The following DSC2 variants were observed in gnomAD, a reference collection of about 807,000 sequenced individuals.
DSC2 encodes the protein desmocollin 2, also known as desmocollin-2.
Under a neutral mutation model 87.6 loss-of-function variants are expected in DSC2, and 51 were observed. The observed-to-expected ratio is 0.58, with a 90% CI of 0.46 to 0.74. The LOEUF (loss-of-function observed/expected upper bound fraction) is 0.74. Ranked by LOEUF, DSC2 falls within the 30% of genes least tolerant of loss-of-function variation. The pLI is 0.00. For synonymous variants in DSC2, 383 were observed against 393.2 expected (o/e 0.97, Z 0.31); for missense variants, 1,066 against 1,089.5 (o/e 0.98, Z 0.30).
At chr18:31,092,016 C>A in intron 3 of DSC2, 85 bp downstream of exon 3, 1 of 1,415,400 alleles carries the variant, frequency 7.1e-7, no homozygotes, top group South Asian at 1.3e-5. Context: ...TATACCATAT[C>A]CTTTCTGATT....
At position 31,060,046 on chromosome 18, in the gene DSC2, A is replaced by C. The variant is rs1328702895; in HGVS notation, c.*7969T>G. ...TGAGATTTGGATCCACGTCTTTCTG[A>C]CTGCGAAGTCTGTGTGTGATCATTG... is the stretch of plus-strand genomic sequence containing the variant. On this transcript the variant is annotated 3_prime_UTR_variant, in exon 16 of 16. Transcript: ENST00000280904. 3 of 152,160 alleles carry C rather than the reference A, an allele frequency of 2.0e-5. No individual in the cohort carries two copies. The highest frequency in any genetic ancestry group is 4.4e-5 in the Non-Finnish European group (3 of 68,026). The allele number at this position is 152,160 out of a possible 1,614,324, so 9.4% of individuals were successfully genotyped here. A position where few individuals can be genotyped will look rare whatever the true frequency, so the allele number is the denominator to read the frequency against.
intron 8 of DSC2, 33 bp from the exon 9 acceptor site, chr18:31,082,456 T>G: frequency 6.3e-7 from 1 of 1,595,174 alleles, no homozygotes; most frequent in Non-Finnish European, 8.6e-7. Context: ...AAAATTTCGT[T>G]AGTAACTCTC....
At position 31,059,005 on chromosome 18, in the gene DSC2, G is replaced by C. The variant is rs1256673077; in HGVS notation, c.*9010C>G. The stretch of plus-strand genomic sequence containing the variant: ...TATGTTCTAGCAATTTTTTAAAGCA[G>C]ATGAGGAAACTGAAGACTAGGGAGG... On this transcript the variant is annotated 3_prime_UTR_variant, in exon 16 of 16. Coordinates refer to ENST00000280904, the MANE Select transcript of DSC2 (RefSeq NM_024422.6). 6.6e-6 allele frequency: 1 copy of C among 152,140 alleles called. No homozygotes were observed. The highest frequency in any genetic ancestry group is 1.5e-5 in the Non-Finnish European group (1 of 68,024). 9.4% of individuals were successfully genotyped at this position (152,140 alleles called of 1,614,324 possible).
At chr18:31,089,164 C>CAAAAAA (rs768405529) in intron 5 of DSC2, among the ~76,000 whole-genome samples, 1 of 102,868 alleles carries the variant, frequency 9.7e-6, no homozygotes, top group Non-Finnish European at 1.9e-5. Context: ...GATGCTGTCT[C>CAAAAAA]AAAAAAAAAA....
chr18:31,092,317 C>A lies in DSC2; in HGVS notation c.155-17G>T, dbSNP rs1223009380. On this transcript the variant is annotated splice_polypyrimidine_tract_variant and intron_variant, in intron 2 of 15. Coordinates refer to ENST00000280904, the MANE Select transcript of DSC2 (RefSeq NM_024422.6). ...TCAGGTTAACTGTAGAAAATATGCA[C>A]AGCAATCATTTTTAAAGTAAAACAT... is the stretch of plus-strand genomic sequence containing the variant. 4 of 1,604,022 alleles carry A rather than the reference C, an allele frequency of 2.5e-6. No individual in the cohort carries two copies. Among genetic ancestry groups the A allele is most frequent in the Middle Eastern group, 1.7e-4 (1 of 6,014 alleles).
intron 1 of DSC2, among the ~76,000 whole-genome samples, chr18:31,099,451 A>G (rs1987864088): frequency 6.6e-6 from 1 of 152,196 alleles, no homozygotes; most frequent in African/African-American, 2.4e-5. Context: ...CTTATAATTA[A>G]CAATACGATA....
chr18:31,101,826 T>A, intron 1 of DSC2, 77 bp downstream of exon 1: 56 of 941,404 alleles, frequency 5.9e-5, no homozygotes, highest in Non-Finnish European at 7.6e-5. Flanking sequence ...CCCCCACCTA[T>A]CCCCGTTCCC....
intron 13 of DSC2, among the ~76,000 whole-genome samples, chr18:31,071,284 C>T (rs1986818769): frequency 3.3e-5 from 5 of 152,048 alleles, no homozygotes; most frequent in Admixed American, 1.3e-4. Context: ...TGTTGACTCA[C>T]GCCTGTAATC....
chr18:31,089,669 T>G (rs1223425610), intron 4 of DSC2, 75 bp from the exon 5 acceptor site: 1 of 1,410,926 alleles, frequency 7.1e-7, no homozygotes, highest in African/African-American at 1.4e-5. Context: ...TTATGAAATC[T>G]CATTGCCATT....
At chr18:31,096,402 GAGA>G (rs1240244607) in intron 1 of DSC2, among the ~76,000 whole-genome samples, 1 of 152,148 alleles carries the variant, frequency 6.6e-6, no homozygotes, top group Non-Finnish European at 1.5e-5. Context: ...GGCCTCTGGA[GAGA>G]AGGAGAATGA....
rs1987524919 is a variant in DSC2, at chr18:31,089,597, A to G, written c.475-3T>C. The G allele has an allele frequency of 6.2e-7, 1 of 1,613,138 alleles. No homozygotes were observed. Among genetic ancestry groups the G allele is most frequent in the Non-Finnish European group, 8.5e-7 (1 of 1,179,344 alleles). The stretch of plus-strand genomic sequence containing the variant: ...TTTTGGGCCGTGTCAGATTGAACCT[A>G]GAAAGTAGATATTATATACATGAGA... On this transcript the variant is annotated splice_region_variant and splice_polypyrimidine_tract_variant and intron_variant, in intron 4 of 15. Transcript: ENST00000280904.
In DSC2 at chr18:31,089,461, C is replaced by T. The variant is rs758527425; in HGVS notation, c.608G>A (p.Arg203His). The T allele has an allele frequency of 2.0e-5, 32 of 1,613,654 alleles. No individual in the cohort carries two copies. The highest frequency in any genetic ancestry group is 2.7e-5 in the Non-Finnish European group (32 of 1,179,830). The change falls in exon 5 of 16, where the codon CGT (arginine) becomes CAT (histidine). Residue 203 changes from arginine to histidine, a missense_variant. Coordinates refer to ENST00000280904, the MANE Select transcript of DSC2 (RefSeq NM_024422.6). ...GNLYCTRPVD[R>H]EQYESFEIIA... The stretch of plus-strand genomic sequence containing the variant: ...TACCTCAAAAGATTCATACTGCTCA[C>T]GATCTACAGGACGAGTACAATACAA...
In DSC2 at chr18:31,079,958, C is replaced by T. The variant is rs397517394; in HGVS notation, c.1552G>A (p.Val518Ile). The change falls in exon 11 of 16, where the codon GTC becomes ATC. Residue 518 changes from valine to isoleucine, a missense_variant. Transcript: ENST00000280904. ...GATCCTGTATTTTCATCAATGGTGA[C>T]CCACCCTGTTGGATCAGTTAATTTC... is the stretch of plus-strand genomic sequence containing the variant. ...YKKLTDPTGW[V>I]TIDENTGSIK... The T allele has an allele frequency of 6.2e-7, 1 of 1,613,854 alleles. No homozygotes were observed. The highest frequency in any genetic ancestry group is 1.1e-5 in the South Asian group (1 of 91,066).
intron 4 of DSC2, among the ~76,000 whole-genome samples, chr18:31,090,688 G>A (rs1477367685): frequency 4.6e-5 from 7 of 152,132 alleles, no homozygotes; most frequent in Non-Finnish European, 1.0e-4. Context: ...TTCCTCCTTC[G>A]TGGCATTTGG....
chr18:31,087,670 C>T lies in DSC2; in HGVS notation c.774G>A (p.Val258=). The T allele has an allele frequency of 6.2e-7, 1 of 1,611,470 alleles. No homozygotes were observed. Among genetic ancestry groups the T allele is most frequent in the Non-Finnish European group, 8.5e-7 (1 of 1,179,522 alleles). ...TATATTGTTTAAGGAGGTACTCACC[C>T]ACTCTGCAATTTTCAAAAATTGTAA... ...YTFTIFENCR[V]GTTVGQVCAT... is the part of the protein sequence containing the mutation. Residue 258 remains valine, a splice_region_variant and synonymous_variant, in exon 6 of 16, where the codon GTG becomes GTA. Transcript: ENST00000280904.
chr18:31,093,993 C>T (rs1421198011), intron 1 of DSC2, among the ~76,000 whole-genome samples: 1 of 151,990 alleles, frequency 6.6e-6, no homozygotes, highest in Non-Finnish European at 1.5e-5. Context: ...TAGCTTCCTC[C>T]TGCAAAAAGC....
intron 11 of DSC2, among the ~76,000 whole-genome samples, chr18:31,075,164 T>G (rs997276487): frequency 6.6e-6 from 1 of 152,128 alleles, no homozygotes; most frequent in Admixed American, 6.5e-5. Flanking sequence ...TTTGGCTGAT[T>G]TGTGAGAAGA....
intron 15 of DSC2, 26 bp from the exon 16 acceptor site, chr18:31,068,238 T>A: frequency 6.2e-7 from 1 of 1,613,104 alleles, no homozygotes; most frequent in East Asian, 2.2e-5. Context: ...ACACAACGTT[T>A]TTATTATTAT....
At chr18:31,085,960 G>A (rs1174184677) in intron 7 of DSC2, among the ~76,000 whole-genome samples, 1 of 152,068 alleles carries the variant, frequency 6.6e-6, no homozygotes, top group African/African-American at 2.4e-5. Context: ...GCTTTAGGAA[G>A]TGATGTGATT....
Sources: allele counts gnomAD v4.1 joint callset (sites outside exome capture counted in the v4.1 genomes callset), GRCh38; gene constraint gnomAD v4.1.1; transcripts MANE v1.5; gene names NCBI Gene and HGNC (gene_info 2026-07-23, HGNC 2026-07-21).